PTPRS: variants seen among roughly 807,000 people sequenced by gnomAD.
PTPRS encodes the protein protein tyrosine phosphatase receptor type S.
Under a neutral mutation model 215.3 loss-of-function variants are expected in PTPRS, and 63 were observed. The ratio of observed to expected loss-of-function variants is 0.29; its 90% confidence interval spans 0.24 to 0.36. PTPRS has a LOEUF of 0.36. PTPRS is among the 10% of genes least tolerant of loss of function. PTPRS has a pLI of 1.00. For synonymous variants in PTPRS, 1,404 were observed against 1,191.4 expected, an observed-to-expected ratio of 1.18 and a Z score of -3.68; for missense variants, 2,258 against 2,825.8, an observed-to-expected ratio of 0.80 and a Z score of 4.56.
intron 28 of PTPRS, 142 bp downstream of exon 28, chr19:5,215,146 TA>T: frequency 3.7e-6 from 4 of 1,083,808 alleles, no homozygotes; most frequent in Non-Finnish European, 5.3e-6. Flanking sequence ...AATACATATC[TA>T]AAGATGCCCA....
chr19:5,325,971 C>T (rs2050155888), intron 1 of PTPRS, among the ~76,000 whole-genome samples: 1 of 152,194 alleles, frequency 6.6e-6, no homozygotes, highest in Non-Finnish European at 1.5e-5. Context: ...TGGCTCATGC[C>T]TGTAATCCCA....
rs1009480803 is a variant in PTPRS, at chr19:5,217,663, A to G, written c.4048+757T>C. Among the ~76,000 whole-genome samples, 8 of 152,330 alleles carry G rather than the reference A, an allele frequency of 5.3e-5. No individual in the cohort carries two copies. The South Asian group carries it at 1.4e-3, about 28-fold the overall frequency. Reference sequence around the variant, plus strand: ...TTCATTTGGTTGGAAAATAGAGTTGATATGAACCAGTTCAGAGATACGAAG... The same window carrying G: ...TTCATTTGGTTGGAAAATAGAGTTGGTATGAACCAGTTCAGAGATACGAAG... On this transcript the variant is annotated intron_variant, in intron 25 of 37. Coordinates refer to ENST00000262963, the MANE Select transcript of PTPRS (RefSeq NM_002850.4).
chr19:5,219,929 C>G lies in PTPRS; in HGVS notation c.3765+10G>C. On this transcript the variant is annotated intron_variant, in intron 22 of 37. Coordinates refer to ENST00000262963, the MANE Select transcript of PTPRS (RefSeq NM_002850.4). ...TGTCTGGATGTGGGCGGACACCATT[C>G]AGGACTTACAGGCTCGCTCTTCTGA... 6.2e-7 allele frequency: 1 copy of G among 1,612,950 alleles called. No homozygotes were observed.
chr19:5,233,979 CTA>C (rs1215564969), intron 13 of PTPRS, among the ~76,000 whole-genome samples: 4 of 34,744 alleles, frequency 1.2e-4, no homozygotes, highest in African/African-American at 2.3e-4. Flanking sequence ...AAAAAAAAAT[CTA>C]TATGTCACAC....
Position 5,219,338 on chromosome 19 carries a change from T to G in PTPRS, c.3895A>C (p.Ile1299Leu), listed in dbSNP as rs1011549015. Residue 1299 changes from isoleucine to leucine, a missense_variant, in exon 23 of 38, where the codon ATT becomes CTT. By Grantham distance (5) the Ile-to-Leu change is conservative (BLOSUM62 2). Coordinates refer to ENST00000262963, the MANE Select transcript of PTPRS (RefSeq NM_002850.4). ...TTGTAGAGCAGGATAGCAATGACAA[T>G]GCAGATTATGAAGACCACGGCCAGC... ...PVLAVVFIIC[I>L]VIAILLYKNK... is the part of the protein sequence containing the mutation. The G allele has an allele frequency of 2.5e-6, 4 of 1,613,986 alleles. No homozygotes were observed. The highest frequency in any genetic ancestry group is 3.4e-6 in the Non-Finnish European group (4 of 1,179,988).
At position 5,273,426 on chromosome 19, in the gene PTPRS, C is replaced by G. The variant is rs2047090009; in HGVS notation, c.379+16G>C. 3.1e-6 allele frequency: 5 copies of G among 1,614,044 alleles called. No individual in the cohort carries two copies. Among genetic ancestry groups the G allele is most frequent in the Non-Finnish European group, 4.2e-6 (5 of 1,180,040 alleles). On this transcript the variant is annotated intron_variant, in intron 4 of 37. Transcript: ENST00000262963. ...GGGCCCAGTTTATCCTCCGCCCGCC[C>G]TGAGGAGCCCAATACCTCGGAGGAC...
intron 1 of PTPRS, among the ~76,000 whole-genome samples, chr19:5,305,765 A>ATATATTTT (rs1491188046): frequency 1.1e-5 from 1 of 93,440 alleles, no homozygotes; most frequent in African/African-American, 4.5e-5. Context: ...ATATATATAT[A>ATATATTTT]TTTTTTTTTT....
intron 1 of PTPRS, among the ~76,000 whole-genome samples, chr19:5,296,230 A>G (rs1227203052): frequency 6.6e-6 from 1 of 152,166 alleles, no homozygotes; most frequent in Middle Eastern, 3.2e-3. Flanking sequence ...AGATGGTGGT[A>G]AGGGCCCTGA....
chr19:5,245,136 C>A (rs556459307), intron 10 of PTPRS, among the ~76,000 whole-genome samples: 1 of 150,676 alleles, frequency 6.6e-6, no homozygotes, highest in Admixed American at 6.6e-5. Flanking sequence ...TGCGCCACCA[C>A]GCCCAGCTAA....
At chr19:5,278,013 C>G in intron 2 of PTPRS, 1 of 1,239,334 alleles carries the variant, frequency 8.1e-7, no homozygotes, top group African/African-American at 1.5e-5. Context: ...CAACAAATCT[C>G]CCTGTGCTGA....
intron 2 of PTPRS, chr19:5,277,833 T>G: frequency 1.3e-6 from 1 of 792,836 alleles, no homozygotes; most frequent in South Asian, 1.3e-5. Context: ...AATTAAGCGT[T>G]AACTGGGGGA....
chr19:5,277,057 G>GTTTTTT (rs60512892), intron 2 of PTPRS, among the ~76,000 whole-genome samples: 1 of 133,172 alleles, frequency 7.5e-6, no homozygotes, highest in Non-Finnish European at 1.6e-5. Flanking sequence ...TGAGTTTTGT[G>GTTTTTT]TTTTTTTTTT....
rs201183797 is a variant in PTPRS, at chr19:5,215,372, T to G, written c.4235A>C (p.Asn1412Thr). The change falls in exon 28 of 38, where the codon AAC becomes ACC. Residue 1412 changes from asparagine (N) to threonine (T), a missense_variant. This residue lies in a region of PTPRS where 927 missense variants were observed against 1,125.9 expected (regional missense o/e 0.82). Transcript: ENST00000262963. Reference sequence around the variant, plus strand: ...GTTCTTCGGCTTGTTCACTTCCAGGTTGGAATGTTCCCATGTGAACTGCTG... The same window carrying G: ...GTTCTTCGGCTTGTTCACTTCCAGGGTGGAATGTTCCCATGTGAACTGCTG... ...PGQQFTWEHS[N>T]LEVNKPKNRY... 6.2e-7 allele frequency: 1 copy of G among 1,614,060 alleles called. No individual in the cohort carries two copies. Among genetic ancestry groups the G allele is most frequent in the East Asian group, 2.2e-5 (1 of 44,880 alleles).
intron 17 of PTPRS, among the ~76,000 whole-genome samples, chr19:5,224,795 T>C (rs2145472010): frequency 6.6e-6 from 1 of 152,210 alleles, no homozygotes; most frequent in African/African-American, 2.4e-5. Flanking sequence ...AGCTGGATGC[T>C]GGAGGACGCA....
At chr19:5,273,204 G>C (rs2047068140) in intron 4 of PTPRS, 4 of 566,792 alleles carry the variant, frequency 7.1e-6, no homozygotes, top group Admixed American at 3.1e-5. Context: ...ACATGATGAA[G>C]ATTATAAATT....
chr19:5,218,336 G>T, intron 25 of PTPRS, 84 bp downstream of exon 25: 1 of 1,283,654 alleles, frequency 7.8e-7, no homozygotes, highest in Non-Finnish European at 1.1e-6. Flanking sequence ...GGGCCAATGA[G>T]GGGCCCCCAG....
intron 10 of PTPRS, among the ~76,000 whole-genome samples, chr19:5,245,006 G>A (rs1357369365): frequency 7.3e-6 from 1 of 136,562 alleles, no homozygotes; most frequent in Non-Finnish European, 1.5e-5. Context: ...TTTAGACGGA[G>A]CCTTGCTCTG....
At chr19:5,253,193 G>A (rs2045287837) in intron 9 of PTPRS, among the ~76,000 whole-genome samples, 1 of 152,160 alleles carries the variant, frequency 6.6e-6, no homozygotes, top group South Asian at 2.1e-4. Flanking sequence ...GGAGCTGCCA[G>A]CTGTATTTTT....
At chr19:5,213,929 A>C (rs78419742) in intron 30 of PTPRS, among the ~76,000 whole-genome samples, 18,325 of 152,248 alleles carry the variant, frequency 0.12, 1,305 homozygotes, top group African/African-American at 0.19. Flanking sequence ...CATATCTAAA[A>C]GATCTTCTCC....
Sources: allele counts gnomAD v4.1 joint callset (sites outside exome capture counted in the v4.1 genomes callset), GRCh38; gene constraint gnomAD v4.1.1; regional missense constraint gnomAD v4.1.1; transcripts MANE v1.5; gene names NCBI Gene and HGNC (gene_info 2026-07-23, HGNC 2026-07-21).